The following ERP27 variants were observed in gnomAD, a reference collection of about 807,000 sequenced individuals.
The protein encoded by ERP27 is endoplasmic reticulum resident protein 27.
ERP27 carries 23 observed loss-of-function variants against 27.7 expected under a neutral mutation model. The ratio of observed to expected loss-of-function variants is 0.83; its 90% CI spans 0.60 to 1.18. The LOEUF (loss-of-function observed/expected upper bound fraction) is 1.18. ERP27 is among the 50% of genes most tolerant of loss of function. The pLI is 0.00. For missense variants in ERP27, 363 were observed against 327.9 expected, an observed-to-expected ratio of 1.11 and a Z score of -0.83; for synonymous variants, 159 against 118.3, an observed-to-expected ratio of 1.34 and a Z score of -2.23.
At chr12:14,923,335 C>T (rs890942321) in intron 3 of ERP27, among the ~76,000 whole-genome samples, 2 of 151,668 alleles carry the variant, frequency 1.3e-5, no homozygotes, top group Admixed American at 6.6e-5. Context: ...GACTTTTCAG[C>T]CTTCATATTT....
At chr12:14,929,352 A>G (rs1863662513) in intron 3 of ERP27, among the ~76,000 whole-genome samples, 1 of 152,246 alleles carries the variant, frequency 6.6e-6, no homozygotes, top group Non-Finnish European at 1.5e-5. Flanking sequence ...TACTTCTTTT[A>G]AGAAAACATG....
chr12:14,914,617 C>T lies in ERP27; in HGVS notation c.*118G>A, dbSNP rs1402908361. On this transcript the variant is annotated 3_prime_UTR_variant, in exon 7 of 7. Transcript: ENST00000266397. ...ACGCGTGCGTGCGTGTGTGCACGTGCGTGTGTGTGTGGTTGGCAGGCCTAG... is the reference window on the plus strand; with the variant it reads ...ACGCGTGCGTGCGTGTGTGCACGTGTGTGTGTGTGTGGTTGGCAGGCCTAG... 2.2e-5 allele frequency: 17 copies of T among 785,614 alleles called. No individual in the cohort carries two copies. Among genetic ancestry groups the T allele is most frequent in the South Asian group, 8.4e-5 (5 of 59,800 alleles). 48.7% of individuals were successfully genotyped at this position (785,614 alleles called of 1,614,324 possible).
intron 2 of ERP27, chr12:14,935,200 C>A (rs541351164): frequency 1.0e-6 from 1 of 972,406 alleles, no homozygotes; most frequent in East Asian, 1.1e-4. Context: ...TAGGTAACCA[C>A]GAAATTGTAG....
At chr12:14,935,398 T>G (rs926793855) in intron 2 of ERP27, among the ~76,000 whole-genome samples, 3 of 152,228 alleles carry the variant, frequency 2.0e-5, no homozygotes, top group African/African-American at 7.2e-5. Context: ...ACCAACTCTA[T>G]TTTTGTTTAA....
Position 14,933,353 on chromosome 12 carries a change from C to T in ERP27, c.333+1503G>A, listed in dbSNP as rs1863725809. Among the ~76,000 whole-genome samples, 4 of 152,052 alleles carry T rather than the reference C, an allele frequency of 2.6e-5. No individual in the cohort carries two copies. In the South Asian group the frequency reaches 8.3e-4, roughly 32 times the overall value. On this transcript the variant is annotated intron_variant, in intron 3 of 6. Transcript: ENST00000266397. ...TCCTAGAATTCAAGGAAAGAGAGAA[C>T]ATTAAAAAGAAAGAAGTCATCACTA...
intron 2 of ERP27, chr12:14,935,242 T>C (rs549166385): frequency 2.6e-6 from 2 of 778,170 alleles, no homozygotes; most frequent in South Asian, 5.9e-5. Context: ...GGCCTTGTCA[T>C]AGAGCTTGAA....
At chr12:14,933,055 T>C (rs2120617682) in intron 3 of ERP27, among the ~76,000 whole-genome samples, 1 of 152,340 alleles carries the variant, frequency 6.6e-6, no homozygotes, top group South Asian at 2.1e-4. Flanking sequence ...AAAAGAATTG[T>C]ACTTCTTAAG....
At chr12:14,923,073 CAA>C (rs34941606) in intron 3 of ERP27, among the ~76,000 whole-genome samples, 76,052 of 126,354 alleles carry the variant, frequency 0.6, 21,034 homozygotes, top group East Asian at 0.77. Flanking sequence ...AACTCTGTCT[CAA>C]AAAAAAAAAA....
At chr12:14,916,358 C>T (rs1233809687) in intron 5 of ERP27, among the ~76,000 whole-genome samples, 3 of 152,098 alleles carry the variant, frequency 2.0e-5, no homozygotes, top group Admixed American at 6.5e-5. Context: ...TCTCTAGTTA[C>T]GTGAGTTTGG....
chr12:14,919,011 G>A (rs899046730), intron 4 of ERP27, among the ~76,000 whole-genome samples: 8 of 152,132 alleles, frequency 5.3e-5, no homozygotes, highest in South Asian at 2.1e-4. Flanking sequence ...GACCATAGCC[G>A]AATGGATTCA....
At chr12:14,914,835 C>A in intron 6 of ERP27, 53 bp from the exon 7 acceptor site, 1 of 1,361,188 alleles carries the variant, frequency 7.3e-7, no homozygotes, top group South Asian at 1.2e-5. Flanking sequence ...GCTGTTTACT[C>A]CTGGAAGTCC....
At chr12:14,927,057 CA>C (rs1462663828) in intron 3 of ERP27, among the ~76,000 whole-genome samples, 1 of 152,070 alleles carries the variant, frequency 6.6e-6, no homozygotes, top group Non-Finnish European at 1.5e-5. Context: ...CTAACGTTGG[CA>C]GTGATTTTCT....
At chr12:14,921,096 T>C (rs1238019789) in intron 3 of ERP27, 48 bp from the exon 4 acceptor site, 2 of 1,504,980 alleles carry the variant, frequency 1.3e-6, no homozygotes, top group East Asian at 2.3e-5. Flanking sequence ...CTTTTTTTCA[T>C]GTATTGATAA....
Position 14,914,687 on chromosome 12 carries a change from T to G in ERP27, c.*48A>C. ...CTCTGAGATTTGAGTTGTGCCTTTT[T>G]ACTTTGCATAAAGTAGATACTTGGC... On this transcript the variant is annotated 3_prime_UTR_variant, in exon 7 of 7. Coordinates refer to ENST00000266397, the MANE Select transcript of ERP27 (RefSeq NM_152321.4). 6.4e-7 allele frequency: 1 copy of G among 1,565,556 alleles called. No individual in the cohort carries two copies. Among genetic ancestry groups the G allele is most frequent in the Non-Finnish European group, 8.7e-7 (1 of 1,144,726 alleles).
In ERP27 at chr12:14,923,483, TCTATAATC is replaced by T. The variant is rs142182453; in HGVS notation, c.334-2443_334-2436del. Among the ~76,000 whole-genome samples the T allele has an allele frequency of 2.8e-3, 388 of 139,124 alleles. 4 individuals are homozygous for T. Among genetic ancestry groups the T allele is most frequent in the African/African-American group, 9.6e-3 (358 of 37,472 alleles). The allele number at this position is 139,124 out of a possible 152,430, so 91.3% of individuals were successfully genotyped here. Reference sequence around the variant, plus strand: ...ATTTTTACTATATAATATCTATCTATCTATAATCAATCTATCTATCTATCTATCTATCT... The same window carrying T: ...ATTTTTACTATATAATATCTATCTATAATCTATCTATCTATCTATCTATCT... On this transcript the variant is annotated intron_variant, in intron 3 of 6. Transcript: ENST00000266397.
At chr12:14,932,639 T>TGC (rs1465893591) in intron 3 of ERP27, among the ~76,000 whole-genome samples, 1 of 152,124 alleles carries the variant, frequency 6.6e-6, no homozygotes, top group African/African-American at 2.4e-5. Context: ...AAGAGAAGAG[T>TGC]GCTATGGCCA....
At chr12:14,935,969 C>T (rs1034418536) in intron 2 of ERP27, among the ~76,000 whole-genome samples, 1 of 152,084 alleles carries the variant, frequency 6.6e-6, no homozygotes, top group African/African-American at 2.4e-5. Flanking sequence ...CAATCCACCT[C>T]CCTCAGGCTC....
intron 3 of ERP27, among the ~76,000 whole-genome samples, chr12:14,933,637 C>A (rs779834016): frequency 6.6e-6 from 1 of 152,262 alleles, no homozygotes; most frequent in Non-Finnish European, 1.5e-5. Context: ...AAAACTTTTT[C>A]TTTTCCATCA....
At position 14,916,622 on chromosome 12, in the gene ERP27, C is replaced by T. The variant is rs575685621; in HGVS notation, c.576+556G>A. On this transcript the variant is annotated intron_variant, in intron 5 of 6. Transcript: ENST00000266397. ...AATACTTTCAGTGTTAGAGAACCAA[C>T]CATCAGAAAGGCGCTTATTTTATTA... Among the ~76,000 whole-genome samples the T allele has an allele frequency of 3.5e-4, 53 of 152,206 alleles. 1 individual carries two copies. The highest frequency in any genetic ancestry group is 1.2e-3 in the African/African-American group (49 of 41,536).
Sources: allele counts gnomAD v4.1 joint callset (sites outside exome capture counted in the v4.1 genomes callset), GRCh38; gene constraint gnomAD v4.1.1; transcripts MANE v1.5; gene names NCBI Gene and HGNC (gene_info 2026-07-23, HGNC 2026-07-21).